The following SEMA3A variants were observed in gnomAD, a reference collection of about 807,000 sequenced individuals.
SEMA3A encodes semaphorin-3A.
SEMA3A carries 29 observed loss-of-function variants against 97.9 expected under a neutral mutation model. The observed-to-expected ratio is 0.30, with a 90% CI of 0.22 to 0.40. The LOEUF (loss-of-function observed/expected upper bound fraction) is 0.40, where lower values mean the gene tolerates loss of function less well. Among genes scored for constraint, SEMA3A ranks in the 10% least tolerant of loss-of-function variants. SEMA3A has a pLI of 1.00. For synonymous variants in SEMA3A, 321 were observed against 323.7 expected, an observed-to-expected ratio of 0.99 and a Z score of 0.09; for missense variants, 763 against 951.3, an observed-to-expected ratio of 0.80 and a Z score of 2.60.
chr7:84,054,507 A>G lies in SEMA3A; in HGVS notation c.547+5958T>C, dbSNP rs369957542. Among the ~76,000 whole-genome samples the G allele has an allele frequency of 1.3e-3, 199 of 151,232 alleles. 1 individual carries two copies. Among genetic ancestry groups the G allele is most frequent in the Non-Finnish European group, 2.3e-3 (153 of 67,784 alleles). ...CCAGTTGATCGCATCGGCTCCTGAG[A>G]CTTCTGCATTCTTCATGTAGTTCTC... is the stretch of plus-strand genomic sequence containing the variant. On this transcript the variant is annotated intron_variant, in intron 5 of 16. Coordinates refer to ENST00000265362, the MANE Select transcript of SEMA3A (RefSeq NM_006080.3).
chr7:83,983,455 T>G (rs1789508609), intron 13 of SEMA3A, among the ~76,000 whole-genome samples: 1 of 152,084 alleles, frequency 6.6e-6, no homozygotes, highest in Non-Finnish European at 1.5e-5. Context: ...ATTTATAGAT[T>G]TTTTTAAGAA....
intron 1 of SEMA3A, among the ~76,000 whole-genome samples, chr7:84,173,104 T>C: frequency 6.6e-6 from 1 of 152,188 alleles, no homozygotes; most frequent in Middle Eastern, 3.2e-3. Flanking sequence ...AAGCGATAAC[T>C]TTTTGAAGTA....
At chr7:84,018,203 C>G (rs1791181748) in intron 6 of SEMA3A, among the ~76,000 whole-genome samples, 2 of 152,124 alleles carry the variant, frequency 1.3e-5, no homozygotes, top group Non-Finnish European at 2.9e-5. Context: ...ATAACTCCCT[C>G]CTTTTCCTTC....
chr7:84,191,834 T>C (rs1441118862), intron 1 of SEMA3A, among the ~76,000 whole-genome samples: 1 of 151,880 alleles, frequency 6.6e-6, no homozygotes. Flanking sequence ...CCCATTTTTC[T>C]AATATTATCA....
At chr7:84,285,461 CTATT>C (rs1336884638) in intron 3 of SEMA3A, among the ~76,000 whole-genome samples, 7 of 151,992 alleles carry the variant, frequency 4.6e-5, no homozygotes, top group African/African-American at 7.3e-5. Context: ...TAATAAATCT[CTATT>C]TAATAGAAAA....
At chr7:84,339,750 A>C (rs1012597328) in intron 2 of SEMA3A, among the ~76,000 whole-genome samples, 2 of 152,156 alleles carry the variant, frequency 1.3e-5, no homozygotes, top group Non-Finnish European at 2.9e-5. Flanking sequence ...TAAGTACAGT[A>C]AGAAGAATTC....
At chr7:84,068,794 G>T (rs1793636727) in intron 4 of SEMA3A, among the ~76,000 whole-genome samples, 1 of 152,024 alleles carries the variant, frequency 6.6e-6, no homozygotes, top group African/African-American at 2.4e-5. Flanking sequence ...TAAAGGATTA[G>T]AACTCATAGG....
intron 12 of SEMA3A, among the ~76,000 whole-genome samples, chr7:83,988,612 C>A (rs1789740902): frequency 6.6e-6 from 1 of 152,006 alleles, no homozygotes. Flanking sequence ...ACAAATGAAA[C>A]AAATGATTTA....
chr7:84,296,385 T>A (rs1038191430), intron 3 of SEMA3A, among the ~76,000 whole-genome samples: 3 of 152,144 alleles, frequency 2.0e-5, no homozygotes, highest in Admixed American at 2.0e-4. Flanking sequence ...AGTTTAGAAA[T>A]TACATGACAT....
chr7:84,354,062 AT>A (rs1802498856), intron 2 of SEMA3A, among the ~76,000 whole-genome samples: 1 of 151,706 alleles, frequency 6.6e-6, no homozygotes, highest in Admixed American at 6.6e-5. Flanking sequence ...ATGTCATCAT[AT>A]TTTAGCTGAA....
At chr7:84,193,156 T>C (rs1798103461) in intron 1 of SEMA3A, among the ~76,000 whole-genome samples, 6 of 151,912 alleles carry the variant, frequency 3.9e-5, no homozygotes, top group Admixed American at 3.3e-4. Flanking sequence ...AAAAAGTAAA[T>C]AGATATTCTA....
At position 84,382,729 on chromosome 7, in the gene SEMA3A, A is replaced by G. The variant is rs199733625; in HGVS notation, c.-245-10829T>C. On this transcript the variant is annotated intron_variant, in intron 1 of 3. Transcript: ENST00000424555. ...AAAAAAAAAAAAAAAAAAAAAAAAA[A>G]TAGCCAGGCGTGGTGGTGGGTGCCT... 0.016 allele frequency among the ~76,000 whole-genome samples: 1,568 copies of G among 97,520 alleles called. 74 individuals are homozygous for G. In the East Asian group the frequency reaches 0.22, roughly 13 times the overall value. The allele number at this position is 97,520 out of a possible 152,430, so 64.0% of individuals were successfully genotyped here.
chr7:84,462,061 C>A (rs1445015330), intron 1 of SEMA3A, among the ~76,000 whole-genome samples: 1 of 151,922 alleles, frequency 6.6e-6, no homozygotes, highest in Admixed American at 6.6e-5. Context: ...TTGGTGATAG[C>A]CAATATATAT....
At chr7:84,340,346 AC>A (rs1439983067) in intron 2 of SEMA3A, among the ~76,000 whole-genome samples, 2 of 152,158 alleles carry the variant, frequency 1.3e-5, no homozygotes, top group African/African-American at 4.8e-5. Flanking sequence ...GTAATTTTGA[AC>A]TTAGTTTAGC....
intron 1 of SEMA3A, among the ~76,000 whole-genome samples, chr7:84,484,151 A>T (rs1806516456): frequency 6.6e-6 from 1 of 152,142 alleles, no homozygotes; most frequent in Non-Finnish European, 1.5e-5. Flanking sequence ...AGTGTTGATA[A>T]TAATATAGTA....
chr7:84,151,881 G>C (rs1796682969), intron 1 of SEMA3A, among the ~76,000 whole-genome samples: 1 of 152,094 alleles, frequency 6.6e-6, no homozygotes. Context: ...AGTGGGCAAA[G>C]GACATGAACA....
At chr7:84,464,645 A>T (rs1160993637) in intron 1 of SEMA3A, among the ~76,000 whole-genome samples, 13 of 152,208 alleles carry the variant, frequency 8.5e-5, no homozygotes. Context: ...TCCATAAAAA[A>T]GTTTTAAGCT....
At chr7:84,349,845 CATAT>C (rs760858995) in intron 2 of SEMA3A, among the ~76,000 whole-genome samples, 13 of 152,040 alleles carry the variant, frequency 8.6e-5, no homozygotes, top group Non-Finnish European at 1.6e-4. Flanking sequence ...TAGACTTTCT[CATAT>C]ATATCTATGA....
At chr7:84,356,258 T>C (rs575757037) in intron 2 of SEMA3A, among the ~76,000 whole-genome samples, 1 of 151,944 alleles carries the variant, frequency 6.6e-6, no homozygotes, top group African/African-American at 2.4e-5. Flanking sequence ...ACACTGATTT[T>C]AATTTTCCCT....
Sources: gnomAD v4.1 joint callset for allele counts (sites outside exome capture counted in the v4.1 genomes callset) on GRCh38, gnomAD v4.1.1 for gene constraint, MANE v1.5 for transcripts, NCBI Gene and HGNC (gene_info 2026-07-23, HGNC 2026-07-21) for gene names.